TENM4: variants seen among roughly 807,000 people sequenced by gnomAD.
TENM4 encodes the protein teneurin transmembrane protein 4, also known as teneurin-4.
TENM4 carries 82 observed loss-of-function variants against 243.3 expected under a neutral mutation model. The observed-to-expected ratio is 0.34, with a 90% CI of 0.28 to 0.40. The LOEUF (loss-of-function observed/expected upper bound fraction) is 0.40. Ranked by LOEUF, TENM4 falls within the 10% of genes least tolerant of loss-of-function variation. The pLI is 1.00. For missense variants in TENM4, 3,138 were observed against 3,673.3 expected (o/e 0.85, Z 3.77); for synonymous variants, 1,412 against 1,456.3 (o/e 0.97, Z 0.69).
At chr11:79,327,175 A>G (rs1474634575) in intron 1 of TENM4, among the ~76,000 whole-genome samples, 1 of 152,222 alleles carries the variant, frequency 6.6e-6, no homozygotes, top group Non-Finnish European at 1.5e-5. Flanking sequence ...TGAAGCAAAA[A>G]GACTGTGTTG....
intron 30 of TENM4, among the ~76,000 whole-genome samples, chr11:78,674,652 A>G (rs1157663367): frequency 6.7e-6 from 1 of 148,158 alleles, no homozygotes; most frequent in Admixed American, 6.6e-5. Context: ...CGCATGCAGG[A>G]GTCTGCGAAT....
At chr11:78,672,798 G>C (rs1858365432) in intron 30 of TENM4, among the ~76,000 whole-genome samples, 1 of 152,116 alleles carries the variant, frequency 6.6e-6, no homozygotes, top group African/African-American at 2.4e-5. Context: ...GGATCTCGTG[G>C]CTGGTGAGTG....
intron 6 of TENM4, chr11:78,903,989 ACT>A (rs1162070253): frequency 2.7e-6 from 1 of 370,650 alleles, no homozygotes; most frequent in African/African-American, 2.1e-5. Context: ...CCTCCAAGTG[ACT>A]CTGATGTATG....
intron 1 of TENM4, among the ~76,000 whole-genome samples, chr11:79,381,857 G>T (rs1590925947): frequency 6.6e-6 from 1 of 151,960 alleles, no homozygotes; most frequent in African/African-American, 2.4e-5. Flanking sequence ...GGCAGGATCT[G>T]GACCAAGGCC....
chr11:79,289,209 G>GA (rs1308167926), intron 2 of TENM4, among the ~76,000 whole-genome samples: 1 of 152,200 alleles, frequency 6.6e-6, no homozygotes, highest in African/African-American at 2.4e-5. Context: ...TATTGTGTTT[G>GA]AAAAAATTCT....
At chr11:79,063,818 C>A (rs1860164728) in intron 6 of TENM4, among the ~76,000 whole-genome samples, 1 of 152,196 alleles carries the variant, frequency 6.6e-6, no homozygotes, top group South Asian at 2.1e-4. Flanking sequence ...CCCACAGCCT[C>A]TCTCAGGCCT....
intron 9 of TENM4, among the ~76,000 whole-genome samples, chr11:78,875,043 C>T (rs780672991): frequency 5.3e-5 from 8 of 152,174 alleles, no homozygotes; most frequent in Admixed American, 1.3e-4. Flanking sequence ...GCTCAATAAG[C>T]AATAGGTTTT....
At chr11:79,138,731 T>C (rs1862176826) in intron 4 of TENM4, among the ~76,000 whole-genome samples, 1 of 111,430 alleles carries the variant, frequency 9.0e-6, no homozygotes, top group Admixed American at 1.2e-4. Flanking sequence ...TATATTTATA[T>C]AAATACATAA....
chr11:79,251,316 T>C (rs1003569945), intron 2 of TENM4, among the ~76,000 whole-genome samples: 1 of 152,210 alleles, frequency 6.6e-6, no homozygotes, highest in Non-Finnish European at 1.5e-5. Context: ...TTCATTCTGC[T>C]CAGGGCTTTG....
At position 79,069,465 on chromosome 11, in the gene TENM4, A is replaced by G. The variant is rs538225693; in HGVS notation, c.223+257T>C. 1.9e-3 allele frequency among the ~76,000 whole-genome samples: 285 copies of G among 152,316 alleles called. 10 individuals carry two copies. The South Asian group carries it at 0.049, about 26-fold the overall frequency. ...CTCTAGGCAGGTAGACAAACACTGGAGCCCAGCTCCTAACCACCTCACTAT... is the reference window on the plus strand; with the variant it reads ...CTCTAGGCAGGTAGACAAACACTGGGGCCCAGCTCCTAACCACCTCACTAT... On this transcript the variant is annotated intron_variant, in intron 5 of 33. Coordinates refer to ENST00000278550, the MANE Select transcript of TENM4 (RefSeq NM_001098816.3).
intron 19 of TENM4, among the ~76,000 whole-genome samples, chr11:78,740,681 C>T (rs918789391): frequency 5.3e-5 from 8 of 152,340 alleles, no homozygotes; most frequent in Middle Eastern, 3.4e-3. Flanking sequence ...CATCTCCTGA[C>T]GCTGGCCACC....
chr11:79,207,694 G>A (rs1033938444), intron 3 of TENM4, among the ~76,000 whole-genome samples: 10 of 151,790 alleles, frequency 6.6e-5, no homozygotes, highest in African/African-American at 1.7e-4. Context: ...GTGAAACCCC[G>A]TCTCTACAGA....
intron 6 of TENM4, among the ~76,000 whole-genome samples, chr11:78,983,676 G>A (rs1385314772): frequency 6.6e-6 from 1 of 152,204 alleles, no homozygotes; most frequent in African/African-American, 2.4e-5. Flanking sequence ...GCTGCCCCCA[G>A]GGCATGCCTA....
At chr11:78,708,965 C>CTTTT (rs1188328355) in intron 26 of TENM4, among the ~76,000 whole-genome samples, 18 of 132,848 alleles carry the variant, frequency 1.4e-4, no homozygotes, top group African/African-American at 6.1e-4. Flanking sequence ...CTTTCTTTTT[C>CTTTT]TTTCTTTTTT....
In TENM4 at chr11:79,158,585, T is replaced by C. The variant is rs148757456; in HGVS notation, c.-162-9779A>G. Among the ~76,000 whole-genome samples the C allele has an allele frequency of 7.1e-3, 1,084 of 152,342 alleles. 13 individuals carry two copies. Among genetic ancestry groups the C allele is most frequent in the African/African-American group, 0.025 (1,029 of 41,566 alleles). ...TACTCAGTAAGGATTAGTACTCTCA[T>C]GAAGGAATGGGGAAGGTGAGTAGAA... On this transcript the variant is annotated intron_variant, in intron 3 of 33. Coordinates refer to ENST00000278550, the MANE Select transcript of TENM4 (RefSeq NM_001098816.3).
At chr11:78,743,601 C>T (rs1855980569) in intron 19 of TENM4, among the ~76,000 whole-genome samples, 1 of 152,172 alleles carries the variant, frequency 6.6e-6, no homozygotes, top group Non-Finnish European at 1.5e-5. Flanking sequence ...TTTCAAGAGG[C>T]CAGCCCGCAC....
intron 6 of TENM4, among the ~76,000 whole-genome samples, chr11:78,945,588 A>G (rs1174323598): frequency 6.6e-6 from 1 of 152,218 alleles, no homozygotes; most frequent in Admixed American, 6.5e-5. Flanking sequence ...AAAGCTAGAA[A>G]TAATTAAATT....
At chr11:79,348,256 G>A (rs548073599) in intron 1 of TENM4, among the ~76,000 whole-genome samples, 2 of 152,236 alleles carry the variant, frequency 1.3e-5, no homozygotes, top group South Asian at 2.1e-4. Context: ...AGGCTACACC[G>A]AGGATATAGT....
At chr11:79,181,719 A>G (rs1863284759) in intron 3 of TENM4, among the ~76,000 whole-genome samples, 1 of 151,898 alleles carries the variant, frequency 6.6e-6, no homozygotes, top group Admixed American at 6.6e-5. Context: ...AAAAAAAAAG[A>G]AAGTCCTGGA....
Sources: gnomAD v4.1 joint callset for allele counts (sites outside exome capture counted in the v4.1 genomes callset) on GRCh38, gnomAD v4.1.1 for gene constraint, MANE v1.5 for transcripts, NCBI Gene and HGNC (gene_info 2026-07-23, HGNC 2026-07-21) for gene names.